The following TENM2 variants were observed in gnomAD, a reference collection of about 807,000 sequenced individuals.
TENM2 encodes teneurin transmembrane protein 2.
Under a neutral mutation model 245.2 loss-of-function variants are expected in TENM2, and 52 were observed. That is an observed-to-expected ratio of 0.21 (90% confidence interval 0.17 to 0.27). The LOEUF is 0.27. Among genes scored for constraint, TENM2 ranks in the 10% least tolerant of loss-of-function variants. TENM2 has a pLI of 1.00. For synonymous variants in TENM2, 1,363 were observed against 1,438.9 expected, an observed-to-expected ratio of 0.95 and a Z score of 1.19; for missense variants, 3,046 against 3,666.8, an observed-to-expected ratio of 0.83 and a Z score of 4.37.
the TENM2 span, among the ~76,000 whole-genome samples, chr5:167,100,237 C>T: frequency 1.3e-5 from 2 of 152,082 alleles, no homozygotes; most frequent in Non-Finnish European, 2.9e-5. Flanking sequence ...CACATTTTTC[C>T]TCTGGTCATC....
chr5:167,602,418 T>C (rs1776702011), intron 2 of TENM2, among the ~76,000 whole-genome samples: 1 of 152,190 alleles, frequency 6.6e-6, no homozygotes, highest in African/African-American at 2.4e-5. Context: ...GCCTTCATAT[T>C]GTCTCATCAT....
intron 2 of TENM2, among the ~76,000 whole-genome samples, chr5:167,682,288 G>A (rs938366542): frequency 5.9e-5 from 9 of 151,708 alleles, no homozygotes; most frequent in East Asian, 5.9e-4. Context: ...TCAGCCTCCC[G>A]AGTAGCTGGG....
At chr5:168,200,648 A>C (rs1202012176) in intron 17 of TENM2, among the ~76,000 whole-genome samples, 1 of 152,240 alleles carries the variant, frequency 6.6e-6, no homozygotes. Context: ...TAAATGGCAC[A>C]GAATGACCCT....
chr5:167,038,057 A>G, the TENM2 span, among the ~76,000 whole-genome samples: 1 of 152,250 alleles, frequency 6.6e-6, no homozygotes, highest in South Asian at 2.1e-4. Flanking sequence ...GAACAGGTAC[A>G]GGAGAAAGAG....
At chr5:167,682,115 T>TG (rs761619024) in intron 2 of TENM2, among the ~76,000 whole-genome samples, 19,546 of 94,998 alleles carry the variant, frequency 0.21, 1,872 homozygotes, top group East Asian at 0.39. Context: ...CCTCCCTCCC[T>TG]CCCTCCCTCC....
intron 2 of TENM2, among the ~76,000 whole-genome samples, chr5:167,708,894 T>A (rs1433676238): frequency 1.3e-5 from 2 of 152,122 alleles, no homozygotes. Context: ...AAACACCATT[T>A]CTCTTTCTAT....
the TENM2 span, among the ~76,000 whole-genome samples, chr5:167,156,603 A>G: frequency 6.6e-6 from 1 of 152,144 alleles, no homozygotes; most frequent in Non-Finnish European, 1.5e-5. Flanking sequence ...AGCCCTTGCC[A>G]GCAGTTGGGC....
chr5:167,180,988 T>A, the TENM2 span, among the ~76,000 whole-genome samples: 2 of 151,698 alleles, frequency 1.3e-5, no homozygotes, highest in Non-Finnish European at 2.9e-5. Flanking sequence ...AATCCACATG[T>A]AATGGGACCT....
At chr5:167,586,781 A>C (rs1775526150) in intron 2 of TENM2, among the ~76,000 whole-genome samples, 1 of 152,238 alleles carries the variant, frequency 6.6e-6, no homozygotes, top group African/African-American at 2.4e-5. Context: ...GCGTTCTGGA[A>C]TGAGTAATAA....
the TENM2 span, among the ~76,000 whole-genome samples, chr5:167,032,456 T>G: frequency 1.3e-5 from 2 of 152,214 alleles, no homozygotes; most frequent in African/African-American, 4.8e-5. Context: ...AGTAAAATCT[T>G]GGAAACCAAC....
chr5:167,419,447 T>C (rs1763361556), intron 2 of TENM2, among the ~76,000 whole-genome samples: 1 of 151,976 alleles, frequency 6.6e-6, no homozygotes, highest in Non-Finnish European at 1.5e-5. Context: ...AGTGAAAGAG[T>C]GAGACGTCGT....
At chr5:167,125,085 A>G in the TENM2 span, among the ~76,000 whole-genome samples, 1 of 152,232 alleles carries the variant, frequency 6.6e-6, no homozygotes, top group African/African-American at 2.4e-5. Flanking sequence ...CTTTTGGGTC[A>G]TATCAGAAAA....
chr5:168,042,006 G>A (rs928358959), intron 5 of TENM2, among the ~76,000 whole-genome samples: 8 of 152,178 alleles, frequency 5.3e-5, no homozygotes, highest in Non-Finnish European at 8.8e-5. Context: ...TCTCCTCCCA[G>A]CAGTGGCACT....
the TENM2 span, among the ~76,000 whole-genome samples, chr5:167,067,361 G>A: frequency 2.6e-5 from 4 of 152,022 alleles, no homozygotes; most frequent in East Asian, 7.7e-4. Flanking sequence ...TCCTGCATTT[G>A]AATGTTGAAA....
intron 1 of TENM2, among the ~76,000 whole-genome samples, chr5:167,335,239 G>T (rs1231701475): frequency 3.3e-5 from 5 of 152,082 alleles, no homozygotes; most frequent in Admixed American, 6.6e-5. Context: ...GGGAAGAGAG[G>T]TGCCACACAT....
chr5:167,433,773 A>C (rs1203557926), intron 2 of TENM2, among the ~76,000 whole-genome samples: 7 of 152,128 alleles, frequency 4.6e-5, no homozygotes, highest in African/African-American at 1.7e-4. Context: ...AACTCTAAGA[A>C]ACATTTTCGT....
At chr5:167,543,620 G>T (rs1363423028) in intron 2 of TENM2, among the ~76,000 whole-genome samples, 1 of 152,142 alleles carries the variant, frequency 6.6e-6, no homozygotes, top group Non-Finnish European at 1.5e-5. Context: ...CACAAACTGG[G>T]TGTCTTAAAA....
intron 1 of TENM2, among the ~76,000 whole-genome samples, chr5:167,334,718 T>A (rs916688414): frequency 9.2e-5 from 14 of 152,348 alleles, no homozygotes; most frequent in East Asian, 3.9e-4. Flanking sequence ...TTACAACATA[T>A]TATCTGGTTT....
At chr5:167,199,622 C>G in the TENM2 span, among the ~76,000 whole-genome samples, 1 of 152,228 alleles carries the variant, frequency 6.6e-6, no homozygotes, top group African/African-American at 2.4e-5. Context: ...GTTACTCTTA[C>G]TGGCCTGTCT....
Sources: allele counts gnomAD v4.1 joint callset (sites outside exome capture counted in the v4.1 genomes callset), GRCh38; gene constraint gnomAD v4.1.1; transcripts MANE v1.5; gene names NCBI Gene and HGNC (gene_info 2026-07-23, HGNC 2026-07-21).